LSAMP: variants seen among roughly 807,000 people sequenced by gnomAD.
LSAMP encodes limbic system associated membrane protein, also known as limbic system-associated membrane protein.
A neutral mutation model predicts 38.6 loss-of-function variants in LSAMP; 7 were observed. The observed-to-expected ratio is 0.18, with a 90% confidence interval of 0.10 to 0.34. The LOEUF (loss-of-function observed/expected upper bound fraction) is 0.34, where lower values mean the gene tolerates loss of function less well. LSAMP is among the 10% of genes least tolerant of loss of function. The probability of loss-of-function intolerance (pLI) is 1.00; values close to 1 mark genes in which losing one functional copy is unlikely to be tolerated. For synonymous variants in LSAMP, 154 were observed against 166.8 expected (o/e 0.92, Z 0.59); for missense variants, 313 against 420.0 (o/e 0.75, Z 2.23).
At chr3:116,207,713 A>T (rs1010947035) in intron 1 of LSAMP, among the ~76,000 whole-genome samples, 3 of 151,204 alleles carry the variant, frequency 2.0e-5, no homozygotes, top group African/African-American at 7.3e-5. Context: ...TCTTTTCTTT[A>T]AGAATGTTGA....
chr3:116,037,709 A>G (rs1941077390), intron 2 of LSAMP, among the ~76,000 whole-genome samples: 1 of 152,114 alleles, frequency 6.6e-6, no homozygotes. Flanking sequence ...ACTGATTTTT[A>G]TGTAGGGCTT....
intron 3 of LSAMP, among the ~76,000 whole-genome samples, chr3:115,989,497 T>G (rs1237989452): frequency 6.6e-6 from 1 of 152,126 alleles, no homozygotes; most frequent in Non-Finnish European, 1.5e-5. Flanking sequence ...TTATTTCTCT[T>G]TCCATGTTCT....
intron 1 of LSAMP, among the ~76,000 whole-genome samples, chr3:116,124,034 C>A (rs1051608033): frequency 3.3e-5 from 5 of 152,146 alleles, no homozygotes; most frequent in African/African-American, 9.7e-5. Flanking sequence ...GTATGGTTGA[C>A]TCTCTAGGCA....
chr3:116,233,210 G>A (rs1239786822), intron 1 of LSAMP, among the ~76,000 whole-genome samples: 2 of 151,796 alleles, frequency 1.3e-5, no homozygotes, highest in Non-Finnish European at 2.9e-5. Flanking sequence ...TCAGGAGATC[G>A]AGACCATCCT....
At chr3:116,022,360 C>T (rs551406089) in intron 2 of LSAMP, among the ~76,000 whole-genome samples, 34 of 151,762 alleles carry the variant, frequency 2.2e-4, no homozygotes, top group Admixed American at 1.6e-3. Flanking sequence ...AAATCTCTTG[C>T]GGGAATTGTT....
In LSAMP at chr3:116,097,735, C is replaced by CT. The variant is rs56114651; in HGVS notation, c.156-11180dup. ...GGTGCATATGAAGAGCAAAAGAAGT[C>CT]TTTTTTTTTTTTTCTTTTAGACACA... On this transcript the variant is annotated intron_variant, in intron 1 of 6. Transcript: ENST00000490035. 2.2e-3 allele frequency among the ~76,000 whole-genome samples: 323 copies of CT among 145,672 alleles called. 1 individual carries two copies. The highest frequency in any genetic ancestry group is 4.7e-3 in the Admixed American group (68 of 14,466).
chr3:116,427,023 C>T (rs2049205908), intron 1 of LSAMP, among the ~76,000 whole-genome samples: 1 of 151,792 alleles, frequency 6.6e-6, no homozygotes, highest in South Asian at 2.1e-4. Context: ...GAAATGCCTG[C>T]ATTTCTATTA....
At chr3:116,350,704 C>T (rs2048127374) in intron 1 of LSAMP, among the ~76,000 whole-genome samples, 1 of 151,664 alleles carries the variant, frequency 6.6e-6, no homozygotes. Flanking sequence ...GAAGAGAAGC[C>T]ATAAAGTGTT....
At chr3:116,086,691 G>T in intron 1 of LSAMP, 135 bp from the exon 2 acceptor site, 1 of 686,528 alleles carries the variant, frequency 1.5e-6, no homozygotes. Flanking sequence ...TGCCATTCTT[G>T]GAGTCCTTAG....
In LSAMP at chr3:116,207,087, A is replaced by C. The variant is rs1417917798; in HGVS notation, c.156-120531T>G. On this transcript the variant is annotated intron_variant, in intron 1 of 6. Transcript: ENST00000490035. ...GACTTGCTTTATGAATCTGGGTGCT[A>C]CTGTATTGGGTGCATATATATTTAG... is the stretch of plus-strand genomic sequence containing the variant. Among the ~76,000 whole-genome samples the C allele has an allele frequency of 3.0e-3, 455 of 151,780 alleles. 3 individuals carry two copies. The highest frequency in any genetic ancestry group is 0.01 in the African/African-American group (424 of 41,140).
At chr3:116,347,875 G>A (rs938495865) in intron 1 of LSAMP, among the ~76,000 whole-genome samples, 4 of 152,140 alleles carry the variant, frequency 2.6e-5, no homozygotes, top group African/African-American at 9.6e-5. Flanking sequence ...AGAGGGACAA[G>A]GAAAGACAGA....
At chr3:115,833,209 T>A (rs1028171592) in intron 6 of LSAMP, among the ~76,000 whole-genome samples, 1 of 152,140 alleles carries the variant, frequency 6.6e-6, no homozygotes, top group African/African-American at 2.4e-5. Context: ...AGAACATAAA[T>A]GTGTTAAAAT....
intron 1 of LSAMP, among the ~76,000 whole-genome samples, chr3:116,309,374 C>T (rs1576498265): frequency 6.6e-6 from 1 of 152,222 alleles, no homozygotes; most frequent in South Asian, 2.1e-4. Flanking sequence ...ATAGTCTGCA[C>T]TGTTCCATAT....
intron 1 of LSAMP, among the ~76,000 whole-genome samples, chr3:116,203,462 A>T (rs1363052959): frequency 6.6e-6 from 1 of 151,822 alleles, no homozygotes; most frequent in Non-Finnish European, 1.5e-5. Context: ...GGTTAGTTAC[A>T]TATGTATACA....
chr3:116,423,210 A>C (rs2049152238), intron 1 of LSAMP, among the ~76,000 whole-genome samples: 2 of 152,186 alleles, frequency 1.3e-5, no homozygotes, highest in South Asian at 2.1e-4. Flanking sequence ...ATAATCTTTC[A>C]TTTTAAGAGG....
intron 1 of LSAMP, among the ~76,000 whole-genome samples, chr3:116,153,608 A>C (rs1265391947): frequency 6.6e-6 from 1 of 152,176 alleles, no homozygotes; most frequent in Non-Finnish European, 1.5e-5. Context: ...CATTAGATCA[A>C]TTAGATCGTC....
At chr3:116,423,842 A>C (rs1299737671) in intron 1 of LSAMP, among the ~76,000 whole-genome samples, 1 of 152,220 alleles carries the variant, frequency 6.6e-6, no homozygotes, top group African/African-American at 2.4e-5. Flanking sequence ...AGTAAGTGAA[A>C]AGAAAAAAGA....
At chr3:116,110,297 G>A (rs1247226684) in intron 1 of LSAMP, among the ~76,000 whole-genome samples, 4 of 151,776 alleles carry the variant, frequency 2.6e-5, no homozygotes, top group Admixed American at 6.6e-5. Context: ...TAGAGACAAG[G>A]AGAGAAGGGG....
intron 1 of LSAMP, among the ~76,000 whole-genome samples, chr3:116,192,074 C>T (rs1710766974): frequency 6.6e-6 from 1 of 152,162 alleles, no homozygotes. Flanking sequence ...TTAAAATATT[C>T]TATTACAGCA....
Sources: gnomAD v4.1 joint callset for allele counts (sites outside exome capture counted in the v4.1 genomes callset) on GRCh38, gnomAD v4.1.1 for gene constraint, MANE v1.5 for transcripts, NCBI Gene and HGNC (gene_info 2026-07-23, HGNC 2026-07-21) for gene names.